Variants in NALF1 observed in about 807,000 individuals in gnomAD.
NALF1 encodes the protein NALCN channel auxiliary factor 1.
In NALF1, 3 loss-of-function variants were observed where a neutral mutation model predicts 48.4. That is an observed-to-expected ratio of 0.06 (90% CI 0.03 to 0.16). The LOEUF is 0.16. NALF1 is among the 10% of genes least tolerant of loss of function. The probability of loss-of-function intolerance (pLI) is 1.00; values close to 1 mark genes in which losing one functional copy is unlikely to be tolerated. For missense variants in NALF1, 526 were observed against 571.5 expected, an observed-to-expected ratio of 0.92 and a Z score of 0.81; for synonymous variants, 262 against 245.7, an observed-to-expected ratio of 1.07 and a Z score of -0.62.
At chr13:107,779,171 A>G (rs1877818947) in intron 1 of NALF1, among the ~76,000 whole-genome samples, 1 of 152,102 alleles carries the variant, frequency 6.6e-6, no homozygotes, top group African/African-American at 2.4e-5. Context: ...TTTTTCTGCT[A>G]TGCATTATGT....
intron 1 of NALF1, among the ~76,000 whole-genome samples, chr13:107,785,115 T>C (rs60910621): frequency 0.05 from 7,651 of 151,792 alleles, 567 homozygotes; most frequent in East Asian, 0.39. Flanking sequence ...TATGTATATG[T>C]ATATATATAT....
intron 1 of NALF1, among the ~76,000 whole-genome samples, chr13:107,256,183 A>G (rs547514793): frequency 1.3e-5 from 2 of 152,336 alleles, no homozygotes; most frequent in East Asian, 1.9e-4. Flanking sequence ...AAATATGTAA[A>G]TCACATTGCT....
chr13:107,688,966 C>T (rs899058319), intron 1 of NALF1, among the ~76,000 whole-genome samples: 3 of 152,172 alleles, frequency 2.0e-5, no homozygotes, highest in African/African-American at 7.2e-5. Context: ...AGCAGGAGGG[C>T]ACATTTTAAA....
chr13:107,447,610 CATT>C (rs1416788903), intron 1 of NALF1, among the ~76,000 whole-genome samples: 3 of 152,066 alleles, frequency 2.0e-5, no homozygotes, highest in Non-Finnish European at 4.4e-5. Flanking sequence ...AGGGCACTGT[CATT>C]ATTATTCCCA....
chr13:107,732,096 ACTCT>A (rs1315210868), intron 1 of NALF1, among the ~76,000 whole-genome samples: 1 of 151,784 alleles, frequency 6.6e-6, no homozygotes, highest in Admixed American at 6.6e-5. Context: ...GGAATCTTTG[ACTCT>A]CTATCAGCCC....
At chr13:107,262,972 T>C (rs925631337) in intron 1 of NALF1, among the ~76,000 whole-genome samples, 2 of 152,142 alleles carry the variant, frequency 1.3e-5, no homozygotes, top group Admixed American at 1.3e-4. Context: ...ATAGGAATGA[T>C]TCAGGGCTGT....
In NALF1 at chr13:107,467,428, C is replaced by G. The variant is rs554320112; in HGVS notation, c.916-256673G>C. 2.6e-5 allele frequency among the ~76,000 whole-genome samples: 4 copies of G among 151,644 alleles called. No individual in the cohort carries two copies. The East Asian group carries it at 7.8e-4, about 29-fold the overall frequency. ...AAACAGTTCCCCAGAATAATTACCA[C>G]TACTCCACATTCTTCCATTTCTATG... On this transcript the variant is annotated intron_variant, in intron 1 of 2. Coordinates refer to ENST00000375915, the MANE Select transcript of NALF1 (RefSeq NM_001080396.3).
chr13:107,281,326 A>G (rs1410078701), intron 1 of NALF1, among the ~76,000 whole-genome samples: 1 of 152,194 alleles, frequency 6.6e-6, no homozygotes, highest in Non-Finnish European at 1.5e-5. Flanking sequence ...ATAATGAGGT[A>G]TTTTGCACAG....
intron 2 of NALF1, among the ~76,000 whole-genome samples, chr13:107,199,111 G>A (rs1348668910): frequency 6.6e-6 from 1 of 151,818 alleles, no homozygotes; most frequent in Non-Finnish European, 1.5e-5. Flanking sequence ...TAGGACAGAT[G>A]TCATTATTGG....
At chr13:107,802,716 T>C (rs1199392867) in intron 1 of NALF1, among the ~76,000 whole-genome samples, 1 of 152,088 alleles carries the variant, frequency 6.6e-6, no homozygotes, top group Non-Finnish European at 1.5e-5. Flanking sequence ...GTAGAGAGTA[T>C]ATATAAAATA....
chr13:107,747,353 T>A (rs888886961), intron 1 of NALF1, among the ~76,000 whole-genome samples: 1 of 152,198 alleles, frequency 6.6e-6, no homozygotes, highest in South Asian at 2.1e-4. Context: ...GGTGCTTCTT[T>A]TGGGATGCTC....
chr13:107,537,595 G>C (rs904671790), intron 1 of NALF1, among the ~76,000 whole-genome samples: 7 of 152,122 alleles, frequency 4.6e-5, no homozygotes, highest in Non-Finnish European at 7.4e-5. Context: ...GGACCATCCA[G>C]ACAATAAGAA....
At chr13:107,553,588 G>T (rs1435769216) in intron 1 of NALF1, among the ~76,000 whole-genome samples, 1 of 152,100 alleles carries the variant, frequency 6.6e-6, no homozygotes, top group Admixed American at 6.5e-5. Context: ...AATGTAATTT[G>T]CTTCTCTTAA....
chr13:107,622,468 CAACAAA>C (rs1879546615), intron 1 of NALF1, among the ~76,000 whole-genome samples: 1 of 87,666 alleles, frequency 1.1e-5, no homozygotes, highest in African/African-American at 3.2e-5. Context: ...ACAACAACAA[CAACAAA>C]AAAAAAAAAA....
intron 1 of NALF1, among the ~76,000 whole-genome samples, chr13:107,778,758 C>A (rs1877808375): frequency 6.6e-6 from 1 of 152,098 alleles, no homozygotes; most frequent in Admixed American, 6.5e-5. Flanking sequence ...ATGCTGAACC[C>A]TCTTTCTTCC....
At chr13:107,400,978 T>C (rs902081998) in intron 1 of NALF1, among the ~76,000 whole-genome samples, 2 of 152,158 alleles carry the variant, frequency 1.3e-5, no homozygotes, top group East Asian at 1.9e-4. Flanking sequence ...TCCAAGAACT[T>C]TGAAGCATAA....
intron 1 of NALF1, among the ~76,000 whole-genome samples, chr13:107,769,935 C>T (rs9520579): frequency 0.12 from 17,507 of 151,980 alleles, 1,049 homozygotes; most frequent in East Asian, 0.17. Flanking sequence ...TTTGTTGAGA[C>T]GGAGTCTCGC....
intron 1 of NALF1, among the ~76,000 whole-genome samples, chr13:107,382,667 A>G (rs1055497351): frequency 6.6e-6 from 1 of 152,174 alleles, no homozygotes; most frequent in East Asian, 1.9e-4. Flanking sequence ...GTTTCCTCCA[A>G]TCTGGGACAC....
Position 107,676,138 on chromosome 13 carries a change from A to C in NALF1, c.915+189544T>G, listed in dbSNP as rs555420228. Among the ~76,000 whole-genome samples, 5 of 152,336 alleles carry C rather than the reference A, an allele frequency of 3.3e-5. No individual in the cohort carries two copies. In the South Asian group the frequency reaches 8.3e-4, roughly 25 times the overall value. ...CTGCTCTGAGGAGTCAATACTACTT[A>C]TTCCTTCCTTCCCTTGAAAAGAGTA... On this transcript the variant is annotated intron_variant, in intron 1 of 2. Transcript: ENST00000375915.
Sources: gnomAD v4.1 joint callset for allele counts (sites outside exome capture counted in the v4.1 genomes callset) on GRCh38, gnomAD v4.1.1 for gene constraint, MANE v1.5 for transcripts, NCBI Gene and HGNC (gene_info 2026-07-23, HGNC 2026-07-21) for gene names.